The following MAP4K4 variants were observed in gnomAD, a reference collection of about 807,000 sequenced individuals.
MAP4K4 encodes the protein mitogen-activated protein kinase kinase kinase kinase 4.
MAP4K4 carries 38 observed loss-of-function variants against 189.6 expected under a neutral mutation model. The ratio of observed to expected loss-of-function variants is 0.20; its 90% CI spans 0.15 to 0.26. MAP4K4 has a LOEUF of 0.26. Among genes scored for constraint, MAP4K4 ranks in the 10% least tolerant of loss-of-function variants. The pLI is 1.00. For synonymous variants in MAP4K4, 610 were observed against 624.3 expected, an observed-to-expected ratio of 0.98 and a Z score of 0.34; for missense variants, 1,054 against 1,726.9, an observed-to-expected ratio of 0.61 and a Z score of 6.91.
At chr2:101,740,151 CTT>C (rs71250687) in intron 2 of MAP4K4, among the ~76,000 whole-genome samples, 3 of 87,218 alleles carry the variant, frequency 3.4e-5, no homozygotes, top group Non-Finnish European at 3.6e-5. Flanking sequence ...TTTATATCAT[CTT>C]TTTTTTTTTT....
At chr2:101,811,815 G>C (rs2095447861) in intron 3 of MAP4K4, among the ~76,000 whole-genome samples, 1 of 152,088 alleles carries the variant, frequency 6.6e-6, no homozygotes, top group Non-Finnish European at 1.5e-5. Flanking sequence ...CATTTTTTTG[G>C]GTAACAGCAG....
chr2:101,768,677 A>G (rs2079841214), intron 2 of MAP4K4, among the ~76,000 whole-genome samples: 1 of 152,174 alleles, frequency 6.6e-6, no homozygotes, highest in Middle Eastern at 3.2e-3. Flanking sequence ...TTAGGTGAGC[A>G]TCTAGATTTG....
Position 101,879,595 on chromosome 2 carries a change from A to G in MAP4K4, c.3385+2449A>G, listed in dbSNP as rs142995938. On this transcript the variant is annotated intron_variant, in intron 27 of 32. Coordinates refer to ENST00000324219, the Ensembl canonical transcript of MAP4K4. ...ATACTGAAGTATGATATACAGAGAAAGTACAGATAAGCATACAGCTCAATG... is the reference window on the plus strand; with the variant it reads ...ATACTGAAGTATGATATACAGAGAAGGTACAGATAAGCATACAGCTCAATG... Among the ~76,000 whole-genome samples, 100 of 152,370 alleles carry G rather than the reference A, an allele frequency of 6.6e-4. No homozygotes were observed. In the East Asian group the frequency reaches 0.018, roughly 28 times the overall value.
At chr2:101,760,291 C>A (rs2075660473) in intron 2 of MAP4K4, among the ~76,000 whole-genome samples, 1 of 151,768 alleles carries the variant, frequency 6.6e-6, no homozygotes, top group Non-Finnish European at 1.5e-5. Context: ...GAGATTGAGA[C>A]CGTCTTGGCC....
intron 3 of MAP4K4, among the ~76,000 whole-genome samples, chr2:101,800,189 G>C (rs2094224325): frequency 6.6e-6 from 1 of 151,928 alleles, no homozygotes; most frequent in African/African-American, 2.4e-5. Context: ...GAGTGCAGTG[G>C]TGTGATCATG....
intron 2 of MAP4K4, among the ~76,000 whole-genome samples, chr2:101,730,233 G>A (rs2057808036): frequency 6.6e-6 from 1 of 152,148 alleles, no homozygotes; most frequent in Non-Finnish European, 1.5e-5. Flanking sequence ...GGAATAGTTG[G>A]TAGATGGTCT....
chr2:101,836,510 C>T (rs1311713316), intron 9 of MAP4K4, among the ~76,000 whole-genome samples: 1 of 151,974 alleles, frequency 6.6e-6, no homozygotes, highest in Admixed American at 6.6e-5. Context: ...ATCGCTGGAA[C>T]CCAGAAGGCA....
At chr2:101,857,774 C>G (rs969870619) in intron 13 of MAP4K4, among the ~76,000 whole-genome samples, 1 of 151,816 alleles carries the variant, frequency 6.6e-6, no homozygotes, top group African/African-American at 2.4e-5. Flanking sequence ...GTAAGGTTTT[C>G]TAAGGATTTT....
At chr2:101,863,225 G>C (rs1313186742) in intron 16 of MAP4K4, among the ~76,000 whole-genome samples, 1 of 152,188 alleles carries the variant, frequency 6.6e-6, no homozygotes, top group African/African-American at 2.4e-5. Flanking sequence ...CCTGGGTTAT[G>C]GGTGTTTGTA....
chr2:101,790,801 T>A lies in MAP4K4; in HGVS notation c.180+25T>A, dbSNP rs376791305. 127 of 1,564,456 alleles carry A rather than the reference T, an allele frequency of 8.1e-5. No individual in the cohort carries two copies. The East Asian group carries it at 1.2e-3, about 14-fold the overall frequency. ...GGTAAGATTGAGTCACACACATTTT[T>A]AAATAATGTTAGATGGAAGACAAAG... On this transcript the variant is annotated intron_variant, in intron 3 of 32. Coordinates refer to ENST00000324219, the Ensembl canonical transcript of MAP4K4.
chr2:101,841,021 A>G (rs1559147734), intron 10 of MAP4K4, among the ~76,000 whole-genome samples: 1 of 152,240 alleles, frequency 6.6e-6, no homozygotes, highest in Non-Finnish European at 1.5e-5. Context: ...TCAGGAAAAA[A>G]ATTATTTGCA....
chr2:101,724,860 T>C (rs189997061), intron 2 of MAP4K4, among the ~76,000 whole-genome samples: 1 of 152,338 alleles, frequency 6.6e-6, no homozygotes, highest in African/African-American at 2.4e-5. Flanking sequence ...TTTTAATCCA[T>C]GATGTACCTA....
At chr2:101,819,088 A>G (rs1013295154) in intron 3 of MAP4K4, among the ~76,000 whole-genome samples, 2 of 152,076 alleles carry the variant, frequency 1.3e-5, no homozygotes, top group African/African-American at 2.4e-5. Flanking sequence ...AGTTTTGCCA[A>G]CTCAACTTTC....
intron 2 of MAP4K4, among the ~76,000 whole-genome samples, chr2:101,769,000 G>C (rs915338614): frequency 2.0e-5 from 3 of 152,174 alleles, no homozygotes; most frequent in African/African-American, 7.2e-5. Flanking sequence ...GAATCTGTGA[G>C]GGTCTGGAAT....
At chr2:101,791,446 ATATAT>A (rs753633079) in intron 3 of MAP4K4, among the ~76,000 whole-genome samples, 32 of 152,090 alleles carry the variant, frequency 2.1e-4, no homozygotes, top group Middle Eastern at 3.2e-3. Flanking sequence ...AAAAATAGTA[ATATAT>A]TATAATGAAC....
At chr2:101,790,379 G>T (rs2092660864) in intron 2 of MAP4K4, among the ~76,000 whole-genome samples, 2 of 151,932 alleles carry the variant, frequency 1.3e-5, no homozygotes, top group South Asian at 4.1e-4. Flanking sequence ...GTGAAGGAAA[G>T]AAGTGTAAAA....
intron 28 of MAP4K4, among the ~76,000 whole-genome samples, chr2:101,883,833 T>G (rs1268002907): frequency 6.6e-6 from 1 of 152,162 alleles, no homozygotes; most frequent in African/African-American, 2.4e-5. Flanking sequence ...TAATGGTGAT[T>G]GTGGGAGCTG....
intron 2 of MAP4K4, among the ~76,000 whole-genome samples, chr2:101,774,501 T>A (rs2083008895): frequency 6.6e-6 from 1 of 152,184 alleles, no homozygotes; most frequent in Non-Finnish European, 1.5e-5. Context: ...TTGTCTCTCA[T>A]TCTGTGGGTT....
exon 33 of MAP4K4, chr2:101,894,084 T>C (rs184378290): frequency 3.9e-5 from 6 of 152,538 alleles, no homozygotes; most frequent in Admixed American, 3.9e-4. Flanking sequence ...GTCGAAATGT[T>C]TAGATTCTTT....
Sources: allele counts gnomAD v4.1 joint callset (sites outside exome capture counted in the v4.1 genomes callset), GRCh38; gene constraint gnomAD v4.1.1; transcripts MANE v1.5; gene names NCBI Gene and HGNC (gene_info 2026-07-23, HGNC 2026-07-21).